ASCC3: variants seen among roughly 807,000 people sequenced by gnomAD.
ASCC3 encodes activating signal cointegrator 1 complex subunit 3, also known as ASC-1 complex subunit P200.
ASCC3 carries 158 observed loss-of-function variants against 256.3 expected under a neutral mutation model. That is an observed-to-expected ratio of 0.62 (90% CI 0.54 to 0.70). The LOEUF is 0.70. Ranked by LOEUF, ASCC3 falls within the 30% of genes least tolerant of loss-of-function variation. ASCC3 has a pLI of 0.00. For missense variants in ASCC3, 2,259 were observed against 2,626.0 expected, an observed-to-expected ratio of 0.86 and a Z score of 3.05; for synonymous variants, 948 against 883.4, an observed-to-expected ratio of 1.07 and a Z score of -1.30.
chr6:100,721,594 C>A (rs1339474692), intron 11 of ASCC3, among the ~76,000 whole-genome samples: 1 of 151,592 alleles, frequency 6.6e-6, no homozygotes, highest in Non-Finnish European at 1.5e-5. Flanking sequence ...TTAAAAATTG[C>A]TCTTAAATTG....
chr6:100,574,510 G>T (rs1168559154), intron 36 of ASCC3, among the ~76,000 whole-genome samples: 1 of 151,790 alleles, frequency 6.6e-6, no homozygotes, highest in Admixed American at 6.6e-5. Flanking sequence ...ATTTTAATGA[G>T]ACTGTTAAAC....
intron 13 of ASCC3, among the ~76,000 whole-genome samples, chr6:100,699,065 T>C (rs1465734005): frequency 6.6e-6 from 1 of 152,200 alleles, no homozygotes; most frequent in Non-Finnish European, 1.5e-5. Flanking sequence ...GGCTATATCA[T>C]ATATAGCCTA....
intron 8 of ASCC3, among the ~76,000 whole-genome samples, chr6:100,787,800 C>T (rs903226279): frequency 6.6e-6 from 1 of 152,000 alleles, no homozygotes; most frequent in African/African-American, 2.4e-5. Context: ...AAAACCTTGA[C>T]CCTTACATTT....
chr6:100,567,476 T>C lies in ASCC3; in HGVS notation c.5550+22158A>G, dbSNP rs186889692. ...TACGCACGTTTGTTACCTGGTATAC[T>C]GTGTGATGCTGAGGTTTGGGTATGA... On this transcript the variant is annotated intron_variant, in intron 36 of 41. Coordinates refer to ENST00000369162, the MANE Select transcript of ASCC3 (RefSeq NM_006828.4). 2.6e-3 allele frequency among the ~76,000 whole-genome samples: 398 copies of C among 152,278 alleles called. 5 individuals carry two copies. Among genetic ancestry groups the C allele is most frequent in the African/African-American group, 8.7e-3 (363 of 41,558 alleles).
chr6:100,600,050 C>G (rs759413121), intron 34 of ASCC3, among the ~76,000 whole-genome samples: 1 of 152,010 alleles, frequency 6.6e-6, no homozygotes, highest in East Asian at 1.9e-4. Context: ...CAGACTCACA[C>G]CATTAGTAAA....
intron 36 of ASCC3, among the ~76,000 whole-genome samples, chr6:100,576,959 G>A (rs1356989141): frequency 2.0e-5 from 3 of 150,810 alleles, no homozygotes; most frequent in African/African-American, 7.3e-5. Flanking sequence ...GTTGACTGGA[G>A]TAGTTTCATA....
chr6:100,514,921 A>G (rs1254032846), intron 39 of ASCC3, among the ~76,000 whole-genome samples: 1 of 152,196 alleles, frequency 6.6e-6, no homozygotes, highest in African/African-American at 2.4e-5. Context: ...CAGGATTTGT[A>G]TGTTACCTGG....
intron 13 of ASCC3, among the ~76,000 whole-genome samples, chr6:100,712,751 C>CTT (rs58286754): frequency 2.5e-3 from 175 of 69,754 alleles, no homozygotes; most frequent in Middle Eastern, 0.011. Context: ...CAATTATACT[C>CTT]TTTTTTTTTT....
At position 100,821,916 on chromosome 6, in the gene ASCC3, A is replaced by G. The variant is rs541386648; in HGVS notation, c.802-16036T>C. ...GCTAAGTAAAAAAAACAGTCAAGAA[A>G]GACCATATTAGATGATTCCATTTGT... On this transcript the variant is annotated intron_variant, in intron 4 of 41. Transcript: ENST00000369162. Among the ~76,000 whole-genome samples, 4 of 152,334 alleles carry G rather than the reference A, an allele frequency of 2.6e-5. No individual in the cohort carries two copies. In the East Asian group the frequency reaches 7.7e-4, roughly 29 times the overall value.
chr6:100,579,190 T>G (rs1337863621), intron 36 of ASCC3, among the ~76,000 whole-genome samples: 6 of 151,724 alleles, frequency 4.0e-5, no homozygotes, highest in African/African-American at 7.3e-5. Flanking sequence ...TTGTTTGTTT[T>G]TTTTTTTTTG....
chr6:100,746,264 T>C (rs933100581), intron 10 of ASCC3, among the ~76,000 whole-genome samples: 2 of 151,788 alleles, frequency 1.3e-5, no homozygotes, highest in East Asian at 1.9e-4. Context: ...ATTTTACTTA[T>C]GCCATACTGC....
At chr6:100,641,661 T>C (rs1454326141) in intron 24 of ASCC3, among the ~76,000 whole-genome samples, 1 of 152,188 alleles carries the variant, frequency 6.6e-6, no homozygotes, top group East Asian at 1.9e-4. Context: ...ATCCCATTAC[T>C]GGGTATATAC....
In ASCC3 at chr6:100,868,057, A is replaced by G. The variant is rs1164987992; in HGVS notation, c.-41-19T>C. The G allele has an allele frequency of 2.3e-6, 3 of 1,322,954 alleles. No homozygotes were observed. Among genetic ancestry groups the G allele is most frequent in the Non-Finnish European group, 2.2e-6 (2 of 921,248 alleles). 82.0% of individuals were successfully genotyped at this position (1,322,954 alleles called of 1,614,324 possible). A position where few individuals can be genotyped will look rare whatever the true frequency, so the allele number is the denominator to read the frequency against. Reference sequence around the variant, plus strand: ...CCTGAAACTGAAACAAAACAAGATGATATTTATCTGTTCGGAAGAGGTGGC... The same window carrying G: ...CCTGAAACTGAAACAAAACAAGATGGTATTTATCTGTTCGGAAGAGGTGGC... On this transcript the variant is annotated intron_variant, in intron 1 of 41. Transcript: ENST00000369162.
At position 100,793,499 on chromosome 6, in the gene ASCC3, C is replaced by T. The variant is rs532692554; in HGVS notation, c.1395+5214G>A. ...TGAAATCACAGCCTTTTTAAGAGGT[C>T]GTATCAAGAAATATTAACAAATTAT... On this transcript the variant is annotated intron_variant, in intron 8 of 41. Coordinates refer to ENST00000369162, the MANE Select transcript of ASCC3 (RefSeq NM_006828.4). Among the ~76,000 whole-genome samples the T allele has an allele frequency of 5.3e-5, 8 of 151,630 alleles. No individual in the cohort carries two copies. The South Asian group carries it at 1.5e-3, about 28-fold the overall frequency.
intron 30 of ASCC3, among the ~76,000 whole-genome samples, chr6:100,608,048 A>G (rs1772996944): frequency 7.4e-6 from 1 of 135,640 alleles, no homozygotes; most frequent in Non-Finnish European, 1.6e-5. Context: ...ATACATACAT[A>G]TACATATATA....
intron 25 of ASCC3, among the ~76,000 whole-genome samples, chr6:100,632,298 A>G (rs1774595581): frequency 6.6e-6 from 1 of 152,000 alleles, no homozygotes; most frequent in Admixed American, 6.6e-5. Flanking sequence ...GAAAACTATA[A>G]AACATTGAAG....
chr6:100,642,865 G>T, intron 23 of ASCC3, 116 bp from the exon 24 acceptor site: 3 of 1,016,746 alleles, frequency 3.0e-6, no homozygotes, highest in Non-Finnish European at 2.9e-6. Flanking sequence ...AAAGTATCTT[G>T]AATTTGTAAA....
chr6:100,568,753 AT>A (rs1770410761), intron 36 of ASCC3, among the ~76,000 whole-genome samples: 1 of 25,548 alleles, frequency 3.9e-5, no homozygotes, highest in African/African-American at 4.2e-4. Context: ...TTAGTCATAA[AT>A]TATTATTATT....
intron 34 of ASCC3, among the ~76,000 whole-genome samples, chr6:100,590,499 C>T (rs1038196025): frequency 1.3e-5 from 2 of 152,100 alleles, no homozygotes; most frequent in Admixed American, 6.6e-5. Context: ...ATCCGAAGAG[C>T]AAGGGACTAC....
Sources: gnomAD v4.1 joint callset for allele counts (sites outside exome capture counted in the v4.1 genomes callset) on GRCh38, gnomAD v4.1.1 for gene constraint, MANE v1.5 for transcripts, NCBI Gene and HGNC (gene_info 2026-07-23, HGNC 2026-07-21) for gene names.